Variants in ABAT observed in about 807,000 individuals in gnomAD.
ABAT encodes the protein 4-aminobutyrate aminotransferase, mitochondrial.
ABAT carries 45 observed loss-of-function variants against 64.6 expected under a neutral mutation model. The observed-to-expected ratio is 0.70, with a 90% CI of 0.55 to 0.89. The LOEUF (loss-of-function observed/expected upper bound fraction) is 0.89, where lower values mean the gene tolerates loss of function less well. Among genes scored for constraint, ABAT ranks in the 40% least tolerant of loss-of-function variants. ABAT has a pLI of 0.00. For missense variants in ABAT, 633 were observed against 658.4 expected (o/e 0.96, Z 0.42); for synonymous variants, 297 against 250.5 (o/e 1.19, Z -1.75).
At chr16:8,707,297 C>G (rs1328373497) in intron 1 of ABAT, among the ~76,000 whole-genome samples, 5 of 151,828 alleles carry the variant, frequency 3.3e-5, no homozygotes, top group African/African-American at 9.7e-5. Context: ...AGCCATCCTC[C>G]CACCTCAGCC....
intron 1 of ABAT, among the ~76,000 whole-genome samples, chr16:8,675,182 GAC>G (rs2057168065): frequency 6.6e-6 from 1 of 151,290 alleles, no homozygotes; most frequent in Non-Finnish European, 1.5e-5. Flanking sequence ...CCCATCATAA[GAC>G]AAGGAAATCC....
chr16:8,733,856 A>T (rs954459593), intron 1 of ABAT, among the ~76,000 whole-genome samples: 2 of 152,154 alleles, frequency 1.3e-5, no homozygotes, highest in African/African-American at 4.8e-5. Context: ...ATCTTAATCT[A>T]CTTTAGGTTT....
rs557278203 is a variant in ABAT, at chr16:8,700,909, T to C, written c.-42+26198T>C. ...GCATGAGCCGCCATGCTGGCCTTAA[T>C]TCTTTTTTTTTTTTTTTTTGCTTTG... On this transcript the variant is annotated intron_variant, in intron 1 of 15. Coordinates refer to ENST00000268251, the MANE Select transcript of ABAT (RefSeq NM_020686.6). 2.1e-5 allele frequency among the ~76,000 whole-genome samples: 3 copies of C among 139,774 alleles called. No homozygotes were observed. The South Asian group carries it at 6.5e-4, about 30-fold the overall frequency. The allele number at this position is 139,774 out of a possible 152,430, so 91.7% of individuals were successfully genotyped here.
rs141499913 is a variant in ABAT, at chr16:8,739,163, G to A, written c.70+3354G>A. Among the ~76,000 whole-genome samples the A allele has an allele frequency of 5.9e-3, 897 of 152,288 alleles. 12 individuals are homozygous for A. The highest frequency in any genetic ancestry group is 0.019 in the African/African-American group (782 of 41,560). On this transcript the variant is annotated intron_variant, in intron 2 of 15. Coordinates refer to ENST00000268251, the MANE Select transcript of ABAT (RefSeq NM_020686.6). ...AGGATGTGGCAGTGAAGAAAGACAT[G>A]TGGCTCTTGTGGAGCTCTAGCCTGG...
chr16:8,710,731 G>GGAGAGGGAGGGAGC (rs2058053555), intron 1 of ABAT, among the ~76,000 whole-genome samples: 1 of 48,108 alleles, frequency 2.1e-5, no homozygotes, highest in African/African-American at 4.9e-5. Flanking sequence ...AGAGAGAGAG[G>GGAGAGGGAGGGAGC]AAATAGGCTC....
chr16:8,749,497 C>T (rs1567302508), intron 4 of ABAT, among the ~76,000 whole-genome samples: 1 of 136,034 alleles, frequency 7.4e-6, no homozygotes, highest in Non-Finnish European at 1.5e-5. Context: ...CTCCTGGGTT[C>T]AAGTGATTCT....
At chr16:8,707,185 ACT>A (rs765984224) in intron 1 of ABAT, among the ~76,000 whole-genome samples, 16 of 151,656 alleles carry the variant, frequency 1.1e-4, no homozygotes, top group Non-Finnish European at 1.5e-4. Context: ...CAGAATAATC[ACT>A]TTTTTTGTTG....
At chr16:8,679,526 C>CAAAAAAAAA (rs35069718) in intron 1 of ABAT, among the ~76,000 whole-genome samples, 14 of 133,688 alleles carry the variant, frequency 1.0e-4, no homozygotes, top group Non-Finnish European at 1.9e-4. Flanking sequence ...ACATGAAAGC[C>CAAAAAAAAA]AAAAAAAAAA....
chr16:8,764,043 A>G lies in ABAT; in HGVS notation c.367-26A>G, dbSNP rs1188054546. On this transcript the variant is annotated intron_variant, in intron 6 of 15. Transcript: ENST00000268251. This position sits in a 1 kb window ranked among gnomAD's most constrained non-coding sequence, Gnocchi z 4.2. ...GAGCTGGGTCAGGCCCCCAGAAGTC[A>G]CCATTTGTCTCTTGCCCTTTTGCAG... 6.2e-7 allele frequency: 1 copy of G among 1,609,210 alleles called. No homozygotes were observed. Among genetic ancestry groups the G allele is most frequent in the Non-Finnish European group, 8.5e-7 (1 of 1,175,760 alleles).
intron 1 of ABAT, among the ~76,000 whole-genome samples, chr16:8,729,366 A>C (rs1370556147): frequency 1.3e-5 from 2 of 152,204 alleles, no homozygotes; most frequent in Admixed American, 1.3e-4. Flanking sequence ...TACAATGCAT[A>C]GAGGCAGGGG....
intron 1 of ABAT, among the ~76,000 whole-genome samples, chr16:8,699,896 C>T (rs2057782139): frequency 6.6e-6 from 1 of 152,194 alleles, no homozygotes; most frequent in East Asian, 1.9e-4. Context: ...TGACTGCAAC[C>T]TCGACCTCTT....
chr16:8,698,317 G>C (rs2057747541), intron 1 of ABAT, among the ~76,000 whole-genome samples: 1 of 151,442 alleles, frequency 6.6e-6, no homozygotes, highest in Admixed American at 6.6e-5. Context: ...CCTTGGGTTT[G>C]TTTCCCCCTT....
At chr16:8,750,291 CACCCACAGATGCCTCTGTGT>C in intron 4 of ABAT, 111 bp from the exon 5 acceptor site, 1 of 814,148 alleles carries the variant, frequency 1.2e-6, no homozygotes, top group Non-Finnish European at 2.1e-6. Flanking sequence ...ACATTGCTGG[CACCCACAGATGCCTCTGTGT>C]GTCCACAGAT....
chr16:8,733,503 C>T (rs1396067624), intron 1 of ABAT, among the ~76,000 whole-genome samples: 3 of 151,886 alleles, frequency 2.0e-5, no homozygotes, highest in African/African-American at 4.9e-5. Context: ...GAGGTTGTAG[C>T]AAGCCGAGAT....
intron 1 of ABAT, chr16:8,713,886 G>A (rs1474548230): frequency 2.2e-6 from 1 of 456,218 alleles, no homozygotes; most frequent in Admixed American, 2.3e-5. Flanking sequence ...ATGTGTATGT[G>A]TGTCTCTGTG....
chr16:8,744,791 C>G (rs2059282777), intron 2 of ABAT, among the ~76,000 whole-genome samples: 1 of 151,846 alleles, frequency 6.6e-6, no homozygotes, highest in Non-Finnish European at 1.5e-5. Context: ...TCACTTGAAC[C>G]TGGGAAGCAG....
chr16:8,736,168 G>T (rs2058926260), intron 2 of ABAT: 3 of 293,176 alleles, frequency 1.0e-5, no homozygotes, highest in Non-Finnish European at 2.0e-5. Flanking sequence ...TTACTCAATT[G>T]ACTATCATGA....
intron 1 of ABAT, among the ~76,000 whole-genome samples, chr16:8,687,891 G>C (rs1052223656): frequency 6.6e-6 from 1 of 150,822 alleles, no homozygotes; most frequent in African/African-American, 2.4e-5. Context: ...GATGATAAGA[G>C]TTGAATGCTC....
At chr16:8,695,213 G>T (rs1213512459) in intron 1 of ABAT, among the ~76,000 whole-genome samples, 1 of 152,222 alleles carries the variant, frequency 6.6e-6, no homozygotes, top group African/African-American at 2.4e-5. Flanking sequence ...GGTTTTGGGA[G>T]AAAGTGCTGA....
Sources: gnomAD v4.1 joint callset for allele counts (sites outside exome capture counted in the v4.1 genomes callset) on GRCh38, gnomAD v4.1.1 for gene constraint, Gnocchi (gnomAD v3.1) non-coding constraint, MANE v1.5 for transcripts, NCBI Gene and HGNC (gene_info 2026-07-23, HGNC 2026-07-21) for gene names.